Variants in C2CD3 observed in about 807,000 individuals in gnomAD.
C2CD3 encodes C2 domain-containing protein 3.
C2CD3 carries 148 observed loss-of-function variants against 234.0 expected under a neutral mutation model. That is an observed-to-expected ratio of 0.63 (90% CI 0.55 to 0.72). The LOEUF is 0.72. Ranked by LOEUF, C2CD3 falls within the 30% of genes least tolerant of loss-of-function variation. The pLI is 0.00. For synonymous variants in C2CD3, 1,000 were observed against 1,035.4 expected (o/e 0.97, Z 0.66); for missense variants, 2,577 against 2,811.5 (o/e 0.92, Z 1.89).
rs558435731 is a variant in C2CD3 at position 74,151,310 on chromosome 11, T to A, written c.483+10089A>T. Among the ~76,000 whole-genome samples, 11 of 145,340 alleles carry A rather than the reference T, an allele frequency of 7.6e-5. No individual in the cohort carries two copies. In the East Asian group the frequency reaches 2.1e-3, roughly 28 times the overall value. Reference sequence around the variant, plus strand: ...GCCTGTAAGCATCCAACACTCTTTATTTATTTATTTATTTATTTATTTATT... The same window carrying A: ...GCCTGTAAGCATCCAACACTCTTTAATTATTTATTTATTTATTTATTTATT... On this transcript the variant is annotated intron_variant, in intron 3 of 32. Transcript: ENST00000334126.
chr11:74,132,782 CAATG>C, intron 7 of C2CD3, 58 bp downstream of exon 7: 1 of 1,513,744 alleles, frequency 6.6e-7, no homozygotes, highest in African/African-American at 1.4e-5. Flanking sequence ...AATCTGATAA[CAATG>C]CATACTATGA....
At chr11:74,157,345 T>C (rs1462069071) in intron 3 of C2CD3, among the ~76,000 whole-genome samples, 5 of 152,344 alleles carry the variant, frequency 3.3e-5, no homozygotes, top group African/African-American at 1.2e-4. Flanking sequence ...CAGTAATTCA[T>C]GTGGCTTTTG....
chr11:74,145,919 AT>A (rs1855153791), intron 3 of C2CD3, among the ~76,000 whole-genome samples: 1 of 152,220 alleles, frequency 6.6e-6, no homozygotes. Flanking sequence ...TGCTTCCCAA[AT>A]AAAATGCTTT....
intron 7 of C2CD3, among the ~76,000 whole-genome samples, chr11:74,128,228 T>C (rs1432514818): frequency 6.6e-6 from 1 of 152,238 alleles, no homozygotes; most frequent in African/African-American, 2.4e-5. Context: ...ATATTTTTAA[T>C]TGGATTATTT....
intron 8 of C2CD3, among the ~76,000 whole-genome samples, chr11:74,121,711 C>A (rs982028490): frequency 2.6e-5 from 4 of 152,012 alleles, no homozygotes; most frequent in Non-Finnish European, 4.4e-5. Context: ...AAACAACCCC[C>A]CCAAGTATTT....
Position 74,098,227 on chromosome 11 carries a change from C to T in C2CD3, c.2761G>A (p.Asp921Asn). 1 of 1,614,032 alleles carries T rather than the reference C, an allele frequency of 6.2e-7. No homozygotes were observed. The highest frequency in any genetic ancestry group is 8.5e-7 in the Non-Finnish European group (1 of 1,179,960). The change falls in exon 16 of 33, where the codon GAT becomes AAT. Residue 921 changes from aspartate to asparagine, a missense_variant. Physicochemically the swap from Asp to Asn is conservative, Grantham distance 23. Transcript: ENST00000334126. ...ACAGCAACAACTGGGTACTGGGCATCCAGCAGCAGGCGAGAAATCTTAGCA... is the reference window on the plus strand; with the variant it reads ...ACAGCAACAACTGGGTACTGGGCATTCAGCAGCAGGCGAGAAATCTTAGCA... ...KDAKISRLLL[D>N]AQYPVVAVDS...
intron 32 of C2CD3, among the ~76,000 whole-genome samples, chr11:74,023,419 G>A (rs141711366): frequency 6.6e-6 from 1 of 152,334 alleles, no homozygotes; most frequent in Non-Finnish European, 1.5e-5. Flanking sequence ...GTGGATACAG[G>A]ACAGGGCTCC....
chr11:74,024,864 C>A (rs961705041), intron 32 of C2CD3, among the ~76,000 whole-genome samples: 1 of 152,068 alleles, frequency 6.6e-6, no homozygotes, highest in Non-Finnish European at 1.5e-5. Flanking sequence ...ACTAACCTCC[C>A]TGGGTTTCCT....
At chr11:74,138,531 T>C (rs1200606058) in intron 5 of C2CD3, among the ~76,000 whole-genome samples, 189 bp downstream of exon 5, 5 of 152,212 alleles carry the variant, frequency 3.3e-5, no homozygotes, top group Non-Finnish European at 7.3e-5. Flanking sequence ...GAGTAATTAT[T>C]CAGAAATACC....
intron 32 of C2CD3, among the ~76,000 whole-genome samples, chr11:74,021,560 G>A (rs1455391098): frequency 6.6e-6 from 1 of 152,160 alleles, no homozygotes; most frequent in East Asian, 1.9e-4. Flanking sequence ...AGCCAGTGAG[G>A]GAGGAGAACC....
At chr11:74,036,814 T>A (rs1591302165) in intron 30 of C2CD3, among the ~76,000 whole-genome samples, 1 of 152,188 alleles carries the variant, frequency 6.6e-6, no homozygotes, top group East Asian at 1.9e-4. Flanking sequence ...GCAGTCTCAG[T>A]CTTGTCTACA....
chr11:74,056,158 C>T (rs1334065933), intron 25 of C2CD3, among the ~76,000 whole-genome samples: 4 of 152,194 alleles, frequency 2.6e-5, no homozygotes, highest in African/African-American at 7.2e-5. Context: ...CTGTGACCAA[C>T]TGCTGAGACT....
chr11:74,069,208 T>C (rs1954685157), intron 24 of C2CD3, among the ~76,000 whole-genome samples: 1 of 152,244 alleles, frequency 6.6e-6, no homozygotes, highest in African/African-American at 2.4e-5. Context: ...CACATTCCTT[T>C]TAGCCAAACA....
At chr11:74,065,571 C>T (rs887950665) in intron 24 of C2CD3, among the ~76,000 whole-genome samples, 3 of 152,020 alleles carry the variant, frequency 2.0e-5, no homozygotes, top group African/African-American at 7.3e-5. Flanking sequence ...GGGTATATAC[C>T]CAAAGAATTA....
rs201756732 is a variant in C2CD3, at chr11:74,168,339, C to T, written c.325+5G>A. 101 of 1,607,986 alleles carry T rather than the reference C, an allele frequency of 6.3e-5. No individual in the cohort carries two copies. Among genetic ancestry groups the T allele is most frequent in the Non-Finnish European group, 8.3e-5 (98 of 1,174,564 alleles). The stretch of plus-strand genomic sequence containing the variant: ...TGCAGGTGCAATGATAAAACAATAA[C>T]ATACCTGTTAGATAAGAGGTAAACT... On this transcript the variant is annotated splice_donor_5th_base_variant and intron_variant, in intron 2 of 32. Coordinates refer to ENST00000334126, the MANE Select transcript of C2CD3 (RefSeq NM_001286577.2).
At chr11:74,151,030 A>C (rs1329084704) in intron 3 of C2CD3, among the ~76,000 whole-genome samples, 2 of 151,656 alleles carry the variant, frequency 1.3e-5, no homozygotes, top group South Asian at 4.2e-4. Context: ...GCTTCAAGCG[A>C]TTCTCCTGCC....
At position 74,049,462 on chromosome 11, in the gene C2CD3, T is replaced by C; in HGVS notation, c.5236A>G (p.Asn1746Asp). 1 of 1,613,596 alleles carries C rather than the reference T, an allele frequency of 6.2e-7. No individual in the cohort carries two copies. The highest frequency in any genetic ancestry group is 1.1e-5 in the South Asian group (1 of 91,044). ...CACTCTCCACTGAAGTCTGTGATGT[T>C]GTACCAGCCACAGACAAACTGGAAG... ...SGFQFVCGWY[N>D]ITDFSGECQG... is the part of the protein sequence containing the mutation. Residue 1746 changes from asparagine (N) to aspartate (D), a missense_variant, in exon 27 of 33, where the codon AAC becomes GAC. By Grantham distance (23) the Asn-to-Asp change is conservative. Coordinates refer to ENST00000334126, the MANE Select transcript of C2CD3 (RefSeq NM_001286577.2).
rs183108613 is a variant in C2CD3, at chr11:74,117,243, T to G, written c.1520+985A>C. ...ATATATATGAATATATATATATGAG[T>G]GAGCTGTGATTGTGCCACTGCACTC... On this transcript the variant is annotated intron_variant, in intron 9 of 32. Transcript: ENST00000334126. Among the ~76,000 whole-genome samples, 122 of 115,698 alleles carry G rather than the reference T, an allele frequency of 1.1e-3. 1 individual carries two copies. The highest frequency in any genetic ancestry group is 3.8e-3 in the African/African-American group (116 of 30,284). The allele number at this position is 115,698 out of a possible 152,430, so 75.9% of individuals were successfully genotyped here.
chr11:74,106,378 G>T lies in C2CD3; in HGVS notation c.2078C>A (p.Pro693His), dbSNP rs556531611. Residue 693 changes from proline to histidine, a missense_variant, in exon 13 of 33, where the codon CCC (proline) becomes CAC (histidine). By Grantham distance (77) the Pro-to-His change is moderately conservative (BLOSUM62 -2). Transcript: ENST00000334126. ...QQENGQSPFG[P>H]LKVTMELITD... Reference sequence around the variant, plus strand: ...GAATGTATATCTACATACCTTGAGGGGGCCAAATGGAGACTGACCATTTTC... The same window carrying T: ...GAATGTATATCTACATACCTTGAGGTGGCCAAATGGAGACTGACCATTTTC... 1 of 1,614,004 alleles carries T rather than the reference G, an allele frequency of 6.2e-7. No individual in the cohort carries two copies. The highest frequency in any genetic ancestry group is 8.5e-7 in the Non-Finnish European group (1 of 1,179,918).
Sources: allele counts gnomAD v4.1 joint callset (sites outside exome capture counted in the v4.1 genomes callset), GRCh38; gene constraint gnomAD v4.1.1; transcripts MANE v1.5; gene names NCBI Gene and HGNC (gene_info 2026-07-23, HGNC 2026-07-21).